Variants in FBXO17 observed in about 807,000 individuals in gnomAD.
The protein encoded by FBXO17 is F-box only protein 17.
Under a neutral mutation model 34.1 loss-of-function variants are expected in FBXO17, and 43 were observed. That is an observed-to-expected ratio of 1.26 (90% CI 0.99 to 1.62). The LOEUF is 1.62. Among genes scored for constraint, FBXO17 ranks in the 40% most tolerant of loss-of-function variants. The pLI, the probability that FBXO17 is intolerant of heterozygous loss-of-function variation, is 0.00. For missense variants in FBXO17, 424 were observed against 386.7 expected, an observed-to-expected ratio of 1.10 and a Z score of -0.81; for synonymous variants, 169 against 166.0, an observed-to-expected ratio of 1.02 and a Z score of -0.14.
intron 2 of FBXO17, 108 bp downstream of exon 2, chr19:38,949,863 C>T: frequency 7.6e-7 from 1 of 1,316,172 alleles, no homozygotes; most frequent in Non-Finnish European, 1.0e-6. Flanking sequence ...CCTGGCTCCT[C>T]CAGCGGTCTC....
At position 38,948,558 on chromosome 19, in the gene FBXO17, G is replaced by A; in HGVS notation, c.461+9C>T. 2 of 1,611,292 alleles carry A rather than the reference G, an allele frequency of 1.2e-6. No individual in the cohort carries two copies. The highest frequency in any genetic ancestry group is 2.2e-5 in the South Asian group (2 of 90,880). ...CCAGGGATCGGGGCCTCTCACTTGG[G>A]CCACTCACTCGAAAGAGGTCACGAA... On this transcript the variant is annotated intron_variant, in intron 3 of 5. Coordinates refer to ENST00000292852, the MANE Select transcript of FBXO17 (RefSeq NM_024907.7).
At position 38,950,354 on chromosome 19, in the gene FBXO17, T is replaced by C; in HGVS notation, c.-17-18A>G. The C allele has an allele frequency of 7.9e-6, 11 of 1,398,892 alleles. No homozygotes were observed. The highest frequency in any genetic ancestry group is 1.0e-5 in the Non-Finnish European group (11 of 1,085,148). The allele number at this position is 1,398,892 out of a possible 1,614,324, so 86.7% of individuals were successfully genotyped here. A position where few individuals can be genotyped will look rare whatever the true frequency, so the allele number is the denominator to read the frequency against. The stretch of plus-strand genomic sequence containing the variant: ...CCAGAGTCCTGCAGGTCGAGAGGGG[T>C]CGGTAGGCGGGTCAGCGCAGCCAGG... On this transcript the variant is annotated intron_variant, in intron 1 of 5. Coordinates refer to ENST00000292852, the MANE Select transcript of FBXO17 (RefSeq NM_024907.7).
intron 1 of FBXO17, among the ~76,000 whole-genome samples, chr19:38,964,639 C>A (rs12977030): frequency 2.0e-5 from 3 of 151,644 alleles, no homozygotes; most frequent in Non-Finnish European, 4.4e-5. Flanking sequence ...TGGTTGCAAG[C>A]GCCTGTAGTC....
At chr19:38,949,918 G>A (rs889044394) in intron 2 of FBXO17, 53 bp downstream of exon 2, 2 of 641,754 alleles carry the variant, frequency 3.1e-6, no homozygotes, top group Non-Finnish European at 4.6e-6. Context: ...CCCCGCCCCC[G>A]CCTCGCTCGC....
Position 38,942,633 on chromosome 19 carries a change from A to G in FBXO17, c.812T>C (p.Val271Ala). The G allele has an allele frequency of 6.3e-7, 1 of 1,587,716 alleles. No homozygotes were observed. The highest frequency in any genetic ancestry group is 8.5e-7 in the Non-Finnish European group (1 of 1,170,416). ...CTAGGACAGACGGATCCTGACCCTC[A>G]CACTGGAGTGGGTCACAAGGGCGCC... ...HYGALVTHSS[V>A]RVRIRLS is the part of the protein sequence containing the mutation. The change falls in exon 6 of 6, where the codon GTG becomes GCG. Residue 271 changes from valine to alanine, a missense_variant. By Grantham distance (64) the Val-to-Ala change is moderately conservative. Coordinates refer to ENST00000292852, the MANE Select transcript of FBXO17 (RefSeq NM_024907.7).
intron 2 of FBXO17, 32 bp downstream of exon 2, chr19:38,949,939 T>C (rs1394220478): frequency 7.3e-5 from 81 of 1,103,536 alleles, no homozygotes; most frequent in South Asian, 2.8e-4. Context: ...GCGGCCCCCC[T>C]CAGCCTCCTG....
Position 38,941,552 on chromosome 19 carries a change from A to T in FBXO17, c.*1056T>A, listed in dbSNP as rs1974886014. ...ACTAAAAACATTTCTTACAGGAAAT[A>T]AAGGGATGGGCTGAAATAAAGGGAT... On this transcript the variant is annotated 3_prime_UTR_variant, in exon 6 of 6. Coordinates refer to ENST00000292852, the MANE Select transcript of FBXO17 (RefSeq NM_024907.7). The T allele has an allele frequency of 6.6e-6, 1 of 152,224 alleles. No homozygotes were observed. The highest frequency in any genetic ancestry group is 1.9e-4 in the East Asian group (1 of 5,200). 9.4% of individuals were successfully genotyped at this position (152,224 alleles called of 1,614,324 possible).
At chr19:38,943,396 C>A (rs1171392764) in intron 5 of FBXO17, among the ~76,000 whole-genome samples, 2 of 150,316 alleles carry the variant, frequency 1.3e-5, no homozygotes, top group African/African-American at 2.5e-5. Flanking sequence ...GTCTCAGCCT[C>A]CCGAGTAGCT....
In FBXO17 at chr19:38,975,229, C is replaced by A. The variant is rs1975445070; in HGVS notation, c.-18+357G>T. Reference sequence around the variant, plus strand: ...CAACGGTAAAAAGCGGCCTGGCCTTCCCCGGGCTGTTGCGCCCACGTGTTG... The same window carrying A: ...CAACGGTAAAAAGCGGCCTGGCCTTACCCGGGCTGTTGCGCCCACGTGTTG... On this transcript the variant is annotated intron_variant, in intron 1 of 5. Coordinates refer to ENST00000292852, the MANE Select transcript of FBXO17 (RefSeq NM_024907.7). The surrounding 1 kb of genome is among the most constrained non-coding windows in gnomAD (Gnocchi z 4.9). Among the ~76,000 whole-genome samples, 1 of 152,210 alleles carries A rather than the reference C, an allele frequency of 6.6e-6. No individual in the cohort carries two copies. Among genetic ancestry groups the A allele is most frequent in the African/African-American group, 2.4e-5 (1 of 41,460 alleles).
At chr19:38,944,783 G>T in intron 5 of FBXO17, 186 bp downstream of exon 5, 2 of 766,082 alleles carry the variant, frequency 2.6e-6, no homozygotes, top group Admixed American at 3.0e-5. Context: ...AAGGGGTTTT[G>T]CTAATGAAAT....
intron 1 of FBXO17, among the ~76,000 whole-genome samples, chr19:38,958,912 CTCTTTT>C (rs1304653743): frequency 9.9e-5 from 15 of 152,038 alleles, no homozygotes; most frequent in Non-Finnish European, 1.9e-4. Flanking sequence ...CTCTTTCTCT[CTCTTTT>C]TAAGAGACAA....
At chr19:38,971,097 C>A (rs868574055) in intron 1 of FBXO17, among the ~76,000 whole-genome samples, 96 of 122,348 alleles carry the variant, frequency 7.8e-4, no homozygotes, top group Middle Eastern at 4.2e-3. Flanking sequence ...GAGTCCATCT[C>A]AAAAAAAAAA....
intron 1 of FBXO17, among the ~76,000 whole-genome samples, chr19:38,954,084 T>C (rs375324602): frequency 7.0e-4 from 106 of 152,034 alleles, no homozygotes; most frequent in African/African-American, 2.4e-3. Context: ...CCAGGCAGCA[T>C]TGGGGTCCGC....
At position 38,975,547 on chromosome 19, in the gene FBXO17, GGGT is replaced by G. The variant is rs1975450205; in HGVS notation, c.-18+36_-18+38del. ...GTGGGCGAGAACGGGACTGACGCTT[GGGT>G]CCCGACCTGGGTCCCCTACCTGTCC... On this transcript the variant is annotated intron_variant, in intron 1 of 5. Transcript: ENST00000292852. This position sits in a 1 kb window ranked among gnomAD's most constrained non-coding sequence, Gnocchi z 4.9. 6.6e-6 allele frequency: 1 copy of G among 152,158 alleles called. No homozygotes were observed. The highest frequency in any genetic ancestry group is 2.4e-5 in the African/African-American group (1 of 41,426). The allele number at this position is 152,158 out of a possible 1,614,324, so 9.4% of individuals were successfully genotyped here.
At chr19:38,950,385 C>G in intron 1 of FBXO17, 49 bp from the exon 2 acceptor site, 1 of 1,389,908 alleles carries the variant, frequency 7.2e-7, no homozygotes, top group Non-Finnish European at 9.3e-7. Context: ...CCAGGCCACC[C>G]CCTCCCTACC....
rs199916644 is a variant in FBXO17, at chr19:38,955,480, C to CT, written c.-17-5145dup. ...CCATTCTTTCTAAAACATTTTCTTTCTTTCTTTTTTTTTTTTTTTTTGAGA... is the reference window on the plus strand; with the variant it reads ...CCATTCTTTCTAAAACATTTTCTTTCTTTTCTTTTTTTTTTTTTTTTTGAGA... On this transcript the variant is annotated intron_variant, in intron 1 of 5. Coordinates refer to ENST00000292852, the MANE Select transcript of FBXO17 (RefSeq NM_024907.7). Among the ~76,000 whole-genome samples the CT allele has an allele frequency of 1.3e-3, 193 of 144,540 alleles. 1 individual carries two copies. Among genetic ancestry groups the CT allele is most frequent in the South Asian group, 2.5e-3 (11 of 4,472 alleles). 94.8% of individuals were successfully genotyped at this position (144,540 alleles called of 152,430 possible). A position where few individuals can be genotyped will look rare whatever the true frequency, so the allele number is the denominator to read the frequency against.
At chr19:38,943,157 A>G (rs1974918447) in intron 5 of FBXO17, among the ~76,000 whole-genome samples, 1 of 149,914 alleles carries the variant, frequency 6.7e-6, no homozygotes, top group Admixed American at 6.6e-5. Context: ...GAGGTAAGAG[A>G]GGGGTCAGGG....
At chr19:38,958,105 CAAAA>C (rs74920933) in intron 1 of FBXO17, among the ~76,000 whole-genome samples, 3 of 100,216 alleles carry the variant, frequency 3.0e-5, no homozygotes, top group Non-Finnish European at 4.2e-5. Context: ...GATCCTGCCT[CAAAA>C]AAAAAAAAAA....
intron 1 of FBXO17, chr19:38,952,537 C>T (rs373087717): frequency 4.9e-5 from 26 of 534,422 alleles, no homozygotes; most frequent in Middle Eastern, 3.2e-4. Context: ...TCCCTCCACC[C>T]TCCCCAAAAC....
Sources: allele counts gnomAD v4.1 joint callset (sites outside exome capture counted in the v4.1 genomes callset), GRCh38; gene constraint gnomAD v4.1.1; non-coding constraint Gnocchi (gnomAD v3.1); transcripts MANE v1.5; gene names NCBI Gene and HGNC (gene_info 2026-07-23, HGNC 2026-07-21).